Variants in G3BP2 observed in about 807,000 individuals in gnomAD.
G3BP2 encodes the protein ras GTPase-activating protein-binding protein 2.
Under a neutral mutation model 56.7 loss-of-function variants are expected in G3BP2, and 11 were observed. That is an observed-to-expected ratio of 0.19 (90% confidence interval 0.12 to 0.32). The LOEUF is 0.32. Among genes scored for constraint, G3BP2 ranks in the 10% least tolerant of loss-of-function variants. The pLI, the probability that G3BP2 is intolerant of heterozygous loss-of-function variation, is 1.00. For synonymous variants in G3BP2, 165 were observed against 191.6 expected (o/e 0.86, Z 1.15); for missense variants, 340 against 610.9 (o/e 0.56, Z 4.67).
chr4:75,666,677 CG>C (rs1733063709), intron 1 of G3BP2, among the ~76,000 whole-genome samples: 1 of 151,912 alleles, frequency 6.6e-6, no homozygotes, highest in African/African-American at 2.4e-5. Context: ...ATGCAGTGTA[CG>C]TAAGAAGGTT....
rs781309423 is a variant in G3BP2 at position 75,645,661 on chromosome 4, C to T, written c.1218G>A (p.Glu406=). The T allele has an allele frequency of 2.6e-5, 42 of 1,614,022 alleles. 2 individuals are homozygous for T. Among genetic ancestry groups the T allele is most frequent in the Non-Finnish European group, 3.3e-5 (39 of 1,179,982 alleles). ...FRGEVRLNVE[E]KKTRAARERE... Reference sequence around the variant, plus strand: ...GCTCTCTTGCAGCTCTTGTTTTTTTCTCTTCCACATTTAAACGTACTTCCC... The same window carrying T: ...GCTCTCTTGCAGCTCTTGTTTTTTTTTCTTCCACATTTAAACGTACTTCCC... Residue 406 remains glutamate, a synonymous_variant, in exon 12 of 12, where the codon GAG becomes GAA. Transcript: ENST00000359707.
chr4:75,694,320 G>A (rs1719005183), intron 3 of G3BP2, among the ~76,000 whole-genome samples: 2 of 152,132 alleles, frequency 1.3e-5, no homozygotes, highest in Non-Finnish European at 2.9e-5. Flanking sequence ...AATATTTTAG[G>A]GTCGGACATG....
At chr4:75,674,463 A>C (rs986157452), upstream of G3BP2, among the ~76,000 whole-genome samples, 4 of 152,060 alleles carry the variant, frequency 2.6e-5, no homozygotes, top group African/African-American at 9.7e-5. Flanking sequence ...TAGGGCCTCC[A>C]AAGTCTACAA....
intron 3 of G3BP2, among the ~76,000 whole-genome samples, chr4:75,688,591 C>A (rs747657182): frequency 1.5e-4 from 23 of 152,172 alleles, no homozygotes; most frequent in Admixed American, 3.3e-4. Flanking sequence ...AAACCTGCAT[C>A]CCCTGCCCCT....
chr4:75,668,886 A>G (rs1427488619), intron 1 of G3BP2, among the ~76,000 whole-genome samples: 1 of 152,214 alleles, frequency 6.6e-6, no homozygotes. Context: ...ATAGCAGTTT[A>G]TTGATCATGC....
intron 3 of G3BP2, among the ~76,000 whole-genome samples, chr4:75,703,714 T>G (rs1470914560): frequency 2.0e-5 from 3 of 152,186 alleles, no homozygotes; most frequent in Non-Finnish European, 4.4e-5. Context: ...GAGAGAAGTC[T>G]TCCAGACTGA....
At chr4:75,719,613 G>A (rs750684778) in intron 3 of G3BP2, among the ~76,000 whole-genome samples, 7 of 151,984 alleles carry the variant, frequency 4.6e-5, no homozygotes, top group South Asian at 2.1e-4. Context: ...TTTTTGAGAC[G>A]GAGTTTCGCT....
At chr4:75,659,000 T>C in intron 2 of G3BP2, 76 bp from the exon 3 acceptor site, 1 of 1,103,978 alleles carries the variant, frequency 9.1e-7, no homozygotes, top group Admixed American at 1.7e-5. Context: ...TGTCATAGAC[T>C]AGGTTCCGGA....
chr4:75,680,837 A>G (rs886361522), intron 3 of G3BP2, among the ~76,000 whole-genome samples: 1 of 151,904 alleles, frequency 6.6e-6, no homozygotes, highest in Non-Finnish European at 1.5e-5. Flanking sequence ...TGGTGGTGGC[A>G]TGTGCCTGTA....
At chr4:75,719,574 T>A (rs1052716071) in intron 3 of G3BP2, among the ~76,000 whole-genome samples, 32 of 152,140 alleles carry the variant, frequency 2.1e-4, no homozygotes, top group Admixed American at 8.5e-4. Flanking sequence ...ACCTCAACTA[T>A]TCCAAGTCCT....
At chr4:75,691,323 G>A (rs955292990) in intron 3 of G3BP2, among the ~76,000 whole-genome samples, 6 of 151,988 alleles carry the variant, frequency 3.9e-5, no homozygotes, top group Admixed American at 3.9e-4. Flanking sequence ...CAGGTGATCT[G>A]CCCACCTCAG....
intron 8 of G3BP2, among the ~76,000 whole-genome samples, chr4:75,650,736 T>C (rs1376196245): frequency 2.0e-5 from 3 of 152,184 alleles, no homozygotes; most frequent in Non-Finnish European, 4.4e-5. Context: ...ACAGTCTTAC[T>C]CTATTGCCCA....
chr4:75,721,130 G>A (rs368750082), intron 2 of G3BP2, among the ~76,000 whole-genome samples: 2 of 152,090 alleles, frequency 1.3e-5, no homozygotes, highest in African/African-American at 2.4e-5. Context: ...AGTAGACAAC[G>A]GGGTTTCTCC....
chr4:75,658,827 T>G lies in G3BP2; in HGVS notation c.177+16A>C. 3.3e-6 allele frequency: 5 copies of G among 1,507,090 alleles called. No homozygotes were observed. Among genetic ancestry groups the G allele is most frequent in the Non-Finnish European group, 4.6e-6 (5 of 1,082,136 alleles). The allele number at this position is 1,507,090 out of a possible 1,614,324, so 93.4% of individuals were successfully genotyped here. On this transcript the variant is annotated intron_variant, in intron 3 of 11. Transcript: ENST00000359707. ...TAACACAAAATTTCTAAACTACATA[T>G]GAAATTGATACTTACATTTTGGCCA...
chr4:75,645,658 T>C lies in G3BP2; in HGVS notation c.1221A>G (p.Lys407=). 6.2e-7 allele frequency: 1 copy of C among 1,614,140 alleles called. No individual in the cohort carries two copies. The highest frequency in any genetic ancestry group is 8.5e-7 in the Non-Finnish European group (1 of 1,179,994). The change falls in exon 12 of 12, where the codon AAA becomes AAG. Residue 407 remains lysine, a synonymous_variant. Transcript: ENST00000359707. ...RGEVRLNVEE[K]KTRAARERET... ...CTCGCTCTCTTGCAGCTCTTGTTTT[T>C]TTCTCTTCCACATTTAAACGTACTT...
intron 1 of G3BP2, among the ~76,000 whole-genome samples, chr4:75,670,647 A>G (rs543889333): frequency 6.6e-6 from 1 of 152,370 alleles, no homozygotes; most frequent in South Asian, 2.1e-4. Context: ...TTAAAGTTTA[A>G]CAAGTAACCT....
At chr4:75,670,838 CA>C (rs1156630118) in intron 1 of G3BP2, among the ~76,000 whole-genome samples, 2 of 151,586 alleles carry the variant, frequency 1.3e-5, no homozygotes, top group African/African-American at 4.9e-5. Context: ...TGGTTAGGAA[CA>C]ACCGCTTTGG....
intron 3 of G3BP2, among the ~76,000 whole-genome samples, chr4:75,683,517 T>G (rs907246080): frequency 6.6e-6 from 1 of 151,964 alleles, no homozygotes; most frequent in Non-Finnish European, 1.5e-5. Flanking sequence ...TGAGCCGAGA[T>G]TGTGCCATTG....
intron 3 of G3BP2, among the ~76,000 whole-genome samples, chr4:75,717,787 C>G (rs1256018956): frequency 6.6e-6 from 1 of 152,116 alleles, no homozygotes; most frequent in Non-Finnish European, 1.5e-5. Context: ...TCAAATTCTC[C>G]ACAAGAAACA....
Sources: allele counts gnomAD v4.1 joint callset (sites outside exome capture counted in the v4.1 genomes callset), GRCh38; gene constraint gnomAD v4.1.1; transcripts MANE v1.5; gene names NCBI Gene and HGNC (gene_info 2026-07-23, HGNC 2026-07-21).